CACNA2D3: variants seen among roughly 807,000 people sequenced by gnomAD.
CACNA2D3 encodes the protein calcium voltage-gated channel auxiliary subunit alpha2delta 3, also known as voltage-dependent calcium channel subunit alpha-2/delta-3.
In CACNA2D3, 60 loss-of-function variants were observed where a neutral mutation model predicts 160.6. The observed-to-expected ratio is 0.37, with a 90% CI of 0.30 to 0.46. The LOEUF (loss-of-function observed/expected upper bound fraction) is 0.46, where lower values mean the gene tolerates loss of function less well. Among genes scored for constraint, CACNA2D3 ranks in the 20% least tolerant of loss-of-function variants. CACNA2D3 has a pLI of 1.00. For synonymous variants in CACNA2D3, 558 were observed against 492.9 expected (o/e 1.13, Z -1.75); for missense variants, 1,205 against 1,365.0 (o/e 0.88, Z 1.85).
chr3:54,461,437 A>C (rs1203762516), intron 4 of CACNA2D3, among the ~76,000 whole-genome samples: 1 of 151,346 alleles, frequency 6.6e-6, no homozygotes, highest in African/African-American at 2.4e-5. Context: ...GCTATTGATT[A>C]TTGCCACAAT....
chr3:54,623,197 C>T (rs1005792319), intron 9 of CACNA2D3, among the ~76,000 whole-genome samples: 1 of 152,178 alleles, frequency 6.6e-6, no homozygotes, highest in Non-Finnish European at 1.5e-5. Context: ...GCCTTGTTGT[C>T]CCCATCCTGT....
At chr3:54,152,009 C>T (rs905773250) in intron 2 of CACNA2D3, among the ~76,000 whole-genome samples, 1 of 152,224 alleles carries the variant, frequency 6.6e-6, no homozygotes, top group Non-Finnish European at 1.5e-5. Context: ...TTGCTAAGCT[C>T]CTTAAAGGGG....
chr3:55,051,104 C>A (rs762519716), intron 35 of CACNA2D3, among the ~76,000 whole-genome samples: 1 of 150,830 alleles, frequency 6.6e-6, no homozygotes, highest in Non-Finnish European at 1.5e-5. Flanking sequence ...TCTCTCAGCT[C>A]GTCAAAGTCA....
chr3:54,130,431 T>A (rs1699684557), intron 2 of CACNA2D3, among the ~76,000 whole-genome samples: 1 of 152,220 alleles, frequency 6.6e-6, no homozygotes, highest in Admixed American at 6.5e-5. Context: ...CTTTTTATCT[T>A]TTCTGTGTGC....
chr3:54,544,318 T>C (rs962809293), intron 5 of CACNA2D3, among the ~76,000 whole-genome samples: 18 of 152,326 alleles, frequency 1.2e-4, no homozygotes, highest in Non-Finnish European at 2.1e-4. Context: ...TGAAACAGGC[T>C]TTATTATTCT....
Position 54,987,682 on chromosome 3 carries a change from G to A in CACNA2D3, c.2620-1G>A, listed in dbSNP as rs1359454177. The A allele has an allele frequency of 6.2e-7, 1 of 1,600,788 alleles. No individual in the cohort carries two copies. The highest frequency in any genetic ancestry group is 8.5e-7 in the Non-Finnish European group (1 of 1,174,520). Reference sequence around the variant, plus strand: ...CTCCTCATATGTCTTCTTCCCCATAGACTGGAGACTTTTTTGGTGAGATCG... The same window carrying A: ...CTCCTCATATGTCTTCTTCCCCATAAACTGGAGACTTTTTTGGTGAGATCG... On this transcript the variant is annotated splice_acceptor_variant, in intron 30 of 37. Coordinates refer to ENST00000474759, the MANE Select transcript of CACNA2D3 (RefSeq NM_018398.3). LOFTEE classifies it high-confidence loss of function.
At chr3:54,670,421 G>A (rs1482913768) in intron 11 of CACNA2D3, among the ~76,000 whole-genome samples, 1 of 152,188 alleles carries the variant, frequency 6.6e-6, no homozygotes, top group Non-Finnish European at 1.5e-5. Context: ...TGCGGAGATG[G>A]GCTGGACCAT....
At chr3:55,025,459 C>T (rs1703545639) in intron 35 of CACNA2D3, among the ~76,000 whole-genome samples, 1 of 151,840 alleles carries the variant, frequency 6.6e-6, no homozygotes, top group South Asian at 2.1e-4. Flanking sequence ...TGGTGAAACT[C>T]CGTCTCTACT....
At chr3:54,931,347 C>T (rs961273389) in intron 27 of CACNA2D3, among the ~76,000 whole-genome samples, 2 of 152,208 alleles carry the variant, frequency 1.3e-5, no homozygotes, top group Non-Finnish European at 2.9e-5. Flanking sequence ...CTGCCCGCCC[C>T]GGACACTTGG....
At chr3:54,828,153 C>T (rs775163431) in intron 14 of CACNA2D3, among the ~76,000 whole-genome samples, 2 of 152,116 alleles carry the variant, frequency 1.3e-5, no homozygotes, top group African/African-American at 2.4e-5. Flanking sequence ...AGGTTTTGTC[C>T]CAGGGCCCCA....
intron 11 of CACNA2D3, among the ~76,000 whole-genome samples, chr3:54,716,496 C>T (rs1451309001): frequency 6.6e-6 from 1 of 152,096 alleles, no homozygotes; most frequent in Non-Finnish European, 1.5e-5. Flanking sequence ...ATTACGTATT[C>T]ATCTTACACT....
intron 4 of CACNA2D3, among the ~76,000 whole-genome samples, chr3:54,469,775 A>C (rs951563852): frequency 6.6e-6 from 1 of 152,048 alleles, no homozygotes. Flanking sequence ...CGAGAACTTC[A>C]TGAAGCATAC....
intron 5 of CACNA2D3, among the ~76,000 whole-genome samples, chr3:54,527,298 A>G (rs1389600898): frequency 2.6e-5 from 4 of 152,206 alleles, no homozygotes; most frequent in Admixed American, 2.0e-4. Context: ...ACTCAATTGC[A>G]ACTGAAGTCA....
chr3:54,949,352 GA>G (rs1046007785), intron 27 of CACNA2D3, among the ~76,000 whole-genome samples: 8 of 152,090 alleles, frequency 5.3e-5, no homozygotes, highest in African/African-American at 1.9e-4. Context: ...CTCTGCTGCT[GA>G]AAAAAGGGGA....
chr3:54,339,623 A>T (rs1704471018), intron 3 of CACNA2D3, among the ~76,000 whole-genome samples: 1 of 152,356 alleles, frequency 6.6e-6, no homozygotes, highest in Non-Finnish European at 1.5e-5. Flanking sequence ...CAGGAAGTTC[A>T]TGGAATGAGT....
intron 3 of CACNA2D3, among the ~76,000 whole-genome samples, chr3:54,357,504 T>C (rs539257583): frequency 6.6e-6 from 1 of 152,330 alleles, no homozygotes; most frequent in African/African-American, 2.4e-5. Flanking sequence ...CTTTGGAAGA[T>C]GACTTGGCAG....
chr3:54,990,101 G>A (rs749171236), intron 31 of CACNA2D3, among the ~76,000 whole-genome samples: 42 of 152,168 alleles, frequency 2.8e-4, no homozygotes, highest in African/African-American at 5.1e-4. Context: ...ATGAAGCTGC[G>A]TTGCTCTGGT....
intron 2 of CACNA2D3, among the ~76,000 whole-genome samples, chr3:54,248,302 G>GCT (rs1158444107): frequency 6.6e-6 from 1 of 151,924 alleles, no homozygotes; most frequent in Non-Finnish European, 1.5e-5. Flanking sequence ...CCAACATAGT[G>GCT]AAACCCCGTC....
intron 6 of CACNA2D3, among the ~76,000 whole-genome samples, 196 bp from the exon 7 acceptor site, chr3:54,569,599 G>A (rs145217997): frequency 7.9e-5 from 12 of 152,316 alleles, no homozygotes; most frequent in Non-Finnish European, 1.5e-4. Context: ...CTGAGCTAGC[G>A]CTGTGTTTGC....
Sources: gnomAD v4.1 joint callset for allele counts (sites outside exome capture counted in the v4.1 genomes callset) on GRCh38, gnomAD v4.1.1 for gene constraint, MANE v1.5 for transcripts, NCBI Gene and HGNC (gene_info 2026-07-23, HGNC 2026-07-21) for gene names.